Variants in ADAMTS6 observed in about 807,000 individuals in gnomAD.
ADAMTS6 encodes ADAM metallopeptidase with thrombospondin type 1 motif 6.
ADAMTS6 carries 23 observed loss-of-function variants against 144.3 expected under a neutral mutation model. That is an observed-to-expected ratio of 0.16 (90% confidence interval 0.11 to 0.23). The LOEUF is 0.23. Ranked by LOEUF, ADAMTS6 falls within the 10% of genes least tolerant of loss-of-function variation. ADAMTS6 has a pLI of 1.00. For missense variants in ADAMTS6, 999 were observed against 1,379.6 expected, an observed-to-expected ratio of 0.72 and a Z score of 4.37; for synonymous variants, 444 against 457.5, an observed-to-expected ratio of 0.97 and a Z score of 0.38.
At chr5:65,398,072 T>C (rs1409742332) in intron 7 of ADAMTS6, among the ~76,000 whole-genome samples, 2 of 152,098 alleles carry the variant, frequency 1.3e-5, no homozygotes, top group Non-Finnish European at 2.9e-5. Flanking sequence ...AGCTGTTCCA[T>C]GTGAGCTTGA....
chr5:65,249,718 C>T (rs1484679492), intron 14 of ADAMTS6, among the ~76,000 whole-genome samples: 1 of 152,124 alleles, frequency 6.6e-6, no homozygotes. Context: ...CTACCAGTAA[C>T]ATATATAAAG....
intron 7 of ADAMTS6, among the ~76,000 whole-genome samples, chr5:65,402,755 C>T (rs1213584940): frequency 6.6e-6 from 1 of 152,026 alleles, no homozygotes; most frequent in Non-Finnish European, 1.5e-5. Context: ...ACTGTTACTA[C>T]TGTTTTCCCC....
At chr5:65,265,371 T>C (rs1159837283) in intron 12 of ADAMTS6, among the ~76,000 whole-genome samples, 1 of 152,102 alleles carries the variant, frequency 6.6e-6, no homozygotes, top group Non-Finnish European at 1.5e-5. Flanking sequence ...ACGACTTAGC[T>C]AGTTGGTCTT....
rs145791135 is a variant in ADAMTS6 at position 65,226,753 on chromosome 5, T to C, written c.1934-534A>G. 4.6e-3 allele frequency among the ~76,000 whole-genome samples: 702 copies of C among 152,198 alleles called. 9 individuals carry two copies. Among genetic ancestry groups the C allele is most frequent in the African/African-American group, 0.016 (682 of 41,538 alleles). Reference sequence around the variant, plus strand: ...ACCTGCCACTATGCCCATCTAATTTTTGTATTTTTAGTAGAGACAGGGTTT... The same window carrying C: ...ACCTGCCACTATGCCCATCTAATTTCTGTATTTTTAGTAGAGACAGGGTTT... On this transcript the variant is annotated intron_variant, in intron 15 of 24. Coordinates refer to ENST00000381055, the MANE Select transcript of ADAMTS6 (RefSeq NM_197941.4).
At chr5:65,171,171 G>A (rs182198608) in intron 23 of ADAMTS6, among the ~76,000 whole-genome samples, 18 of 151,940 alleles carry the variant, frequency 1.2e-4, no homozygotes, top group African/African-American at 3.6e-4. Flanking sequence ...CACCACATCC[G>A]GCTAATTTTT....
chr5:65,180,226 A>G (rs1431931561), intron 22 of ADAMTS6, among the ~76,000 whole-genome samples: 1 of 152,324 alleles, frequency 6.6e-6, no homozygotes, highest in Middle Eastern at 3.4e-3. Flanking sequence ...ATGAACATCA[A>G]TGATTCAATG....
chr5:65,297,018 T>A (rs1742906161), intron 10 of ADAMTS6: 2 of 296,658 alleles, frequency 6.7e-6, no homozygotes, highest in African/African-American at 4.5e-5. Flanking sequence ...TAGTCATCAA[T>A]GAGTGTGAGC....
chr5:65,191,423 A>T (rs1167220329), intron 21 of ADAMTS6, among the ~76,000 whole-genome samples: 1 of 152,186 alleles, frequency 6.6e-6, no homozygotes, highest in Non-Finnish European at 1.5e-5. Flanking sequence ...AATTTAAAGG[A>T]AAATGGCAGA....
chr5:65,213,222 T>C (rs1756656095), intron 20 of ADAMTS6, among the ~76,000 whole-genome samples: 1 of 151,760 alleles, frequency 6.6e-6, no homozygotes, highest in African/African-American at 2.4e-5. Flanking sequence ...TGTTTCATGA[T>C]ACTTTACACA....
At chr5:65,287,264 C>A (rs1741767558) in intron 11 of ADAMTS6, among the ~76,000 whole-genome samples, 1 of 152,122 alleles carries the variant, frequency 6.6e-6, no homozygotes, top group African/African-American at 2.4e-5. Context: ...GTCCCCCGAC[C>A]ACCTCTCCCC....
chr5:65,195,623 C>T (rs542453839), intron 21 of ADAMTS6, among the ~76,000 whole-genome samples: 8 of 152,224 alleles, frequency 5.3e-5, no homozygotes, highest in South Asian at 2.1e-4. Context: ...TTGGTTTAAA[C>T]GTTATTTGGG....
At position 65,319,157 on chromosome 5, in the gene ADAMTS6, C is replaced by T. The variant is rs371113809; in HGVS notation, c.1223+10221G>A. Among the ~76,000 whole-genome samples, 39 of 151,834 alleles carry T rather than the reference C, an allele frequency of 2.6e-4. No homozygotes were observed. The East Asian group carries it at 5.0e-3, about 20-fold the overall frequency. ...TCACAATCCAAGAAGAAATCACACA[C>T]GAAAAATTTTTAACTGAAAATAAAA... On this transcript the variant is annotated intron_variant, in intron 9 of 24. Coordinates refer to ENST00000381055, the MANE Select transcript of ADAMTS6 (RefSeq NM_197941.4).
At chr5:65,191,406 G>C (rs1755010893) in intron 21 of ADAMTS6, among the ~76,000 whole-genome samples, 1 of 152,032 alleles carries the variant, frequency 6.6e-6, no homozygotes, top group Non-Finnish European at 1.5e-5. Context: ...TATTGTTTTT[G>C]CTTTTTAATT....
intron 7 of ADAMTS6, among the ~76,000 whole-genome samples, chr5:65,416,571 CAT>C (rs993240665): frequency 8.6e-5 from 13 of 151,860 alleles, no homozygotes; most frequent in African/African-American, 3.1e-4. Flanking sequence ...GAATAACTAA[CAT>C]GTGGTATATC....
At chr5:65,170,270 A>G (rs924117954) in intron 24 of ADAMTS6, among the ~76,000 whole-genome samples, 1 of 152,256 alleles carries the variant, frequency 6.6e-6, no homozygotes, top group African/African-American at 2.4e-5. Flanking sequence ...AAGAAACAGA[A>G]GTTTGCACTT....
chr5:65,386,231 A>T (rs1752465687), intron 7 of ADAMTS6, among the ~76,000 whole-genome samples: 1 of 152,094 alleles, frequency 6.6e-6, no homozygotes, highest in African/African-American at 2.4e-5. Context: ...TTCTTTTTTT[A>T]AAAAATGTTC....
At chr5:65,162,758 A>T (rs1482037373) in intron 24 of ADAMTS6, among the ~76,000 whole-genome samples, 1 of 152,180 alleles carries the variant, frequency 6.6e-6, no homozygotes, top group Non-Finnish European at 1.5e-5. Context: ...ATTTAATATG[A>T]TAGTTATATC....
At chr5:65,465,892 T>C (rs939082056) in intron 3 of ADAMTS6, among the ~76,000 whole-genome samples, 2 of 152,228 alleles carry the variant, frequency 1.3e-5, no homozygotes, top group African/African-American at 4.8e-5. Context: ...ATTCTACCTA[T>C]GCTCCCTTCA....
intron 12 of ADAMTS6, among the ~76,000 whole-genome samples, chr5:65,264,517 T>C (rs564302169): frequency 2.0e-5 from 3 of 152,240 alleles, no homozygotes; most frequent in South Asian, 4.1e-4. Context: ...GATACCTCAA[T>C]ACCCTTTCCT....
Sources: allele counts gnomAD v4.1 joint callset (sites outside exome capture counted in the v4.1 genomes callset), GRCh38; gene constraint gnomAD v4.1.1; transcripts MANE v1.5; gene names NCBI Gene and HGNC (gene_info 2026-07-23, HGNC 2026-07-21).